Variants in PFKP observed in about 807,000 individuals in gnomAD.
PFKP encodes phosphofructokinase, platelet.
In PFKP, 101 loss-of-function variants were observed where a neutral mutation model predicts 94.3. The observed-to-expected ratio is 1.07, with a 90% CI of 0.91 to 1.26. PFKP has a LOEUF of 1.26. PFKP is among the 50% of genes most tolerant of loss of function. PFKP has a pLI of 0.00. For synonymous variants in PFKP, 573 were observed against 432.6 expected (o/e 1.32, Z -4.03); for missense variants, 1,145 against 1,103.3 (o/e 1.04, Z -0.53).
rs116420404 is a variant in PFKP at position 3,112,693 on chromosome 10, G to A, written c.1154+407G>A. Among the ~76,000 whole-genome samples, 1,209 of 152,230 alleles carry A rather than the reference G, an allele frequency of 7.9e-3. 19 individuals carry two copies. Among genetic ancestry groups the A allele is most frequent in the African/African-American group, 0.027 (1,118 of 41,540 alleles). On this transcript the variant is annotated intron_variant, in intron 11 of 21. Transcript: ENST00000381125. ...ATGTCTCAGCCTCCCAAGTAGCTGC[G>A]ACTACCAGCTCGTACCAGTGCATGT...
chr10:3,090,633 T>G (rs1588433596), intron 2 of PFKP, among the ~76,000 whole-genome samples: 1 of 151,376 alleles, frequency 6.6e-6, no homozygotes, highest in African/African-American at 2.4e-5. Flanking sequence ...GCATCTGGGG[T>G]GGGCAATTCT....
Position 3,101,439 on chromosome 10 carries a change from C to A in PFKP, c.339C>A (p.Asn113Lys). The A allele has an allele frequency of 6.2e-7, 1 of 1,609,530 alleles. No homozygotes were observed. Residue 113 changes from asparagine to lysine, a missense_variant, in exon 4 of 22, where the codon AAC (asparagine) becomes AAA (lysine). Physicochemically the swap from Asn to Lys is moderately conservative, Grantham distance 94. Around this residue, in one of 3 missense-constraint regions of PFKP, gnomAD observed 1,119 missense variants for 1,062.8 expected, o/e 1.05. Coordinates refer to ENST00000381125, the MANE Select transcript of PFKP (RefSeq NM_002627.5). ...TREGRLKAAC[N>K]LLQRGITNLC... ...AAGGCCGCCTGAAGGCTGCTTGCAA[C>A]CTGCTGCAGCGCGGCATCACCAACC...
chr10:3,127,695 G>A (rs1248885068), intron 16 of PFKP, among the ~76,000 whole-genome samples: 1 of 152,116 alleles, frequency 6.6e-6, no homozygotes, highest in African/African-American at 2.4e-5. Context: ...CCCTTGACGG[G>A]GATCTGTCCT....
In PFKP at chr10:3,082,373, C is replaced by T. The variant is rs774813917; in HGVS notation, c.113-15C>T. Reference sequence around the variant, plus strand: ...CCGGGCTCTTCAGTGACTCTTGCTCCTGTTTCCACTGCAGGTATGAACGCT... The same window carrying T: ...CCGGGCTCTTCAGTGACTCTTGCTCTTGTTTCCACTGCAGGTATGAACGCT... On this transcript the variant is annotated splice_polypyrimidine_tract_variant and intron_variant, in intron 1 of 21. Coordinates refer to ENST00000381125, the MANE Select transcript of PFKP (RefSeq NM_002627.5). 2.3e-5 allele frequency: 37 copies of T among 1,599,874 alleles called. No homozygotes were observed. The South Asian group carries it at 3.9e-4, about 17-fold the overall frequency.
chr10:3,134,391 C>T (rs1472836696), intron 19 of PFKP, 92 bp from the exon 20 acceptor site: 2 of 794,952 alleles, frequency 2.5e-6, no homozygotes, highest in East Asian at 2.4e-5. Context: ...GAAATAAAAA[C>T]ATGAATTCTG....
intron 13 of PFKP, among the ~76,000 whole-genome samples, chr10:3,113,976 C>T (rs2388567): frequency 0.59 from 88,798 of 151,712 alleles, 27,112 homozygotes; most frequent in East Asian, 0.84. Context: ...ATGTGTTCAC[C>T]CATTTAAGCC....
At chr10:3,108,384 T>C (rs1331601061) in intron 8 of PFKP, among the ~76,000 whole-genome samples, 2 of 152,250 alleles carry the variant, frequency 1.3e-5, no homozygotes, top group Admixed American at 1.3e-4. Flanking sequence ...ATATAAGTAA[T>C]AGTTTAAATG....
intron 2 of PFKP, among the ~76,000 whole-genome samples, chr10:3,086,479 G>C (rs1173450911): frequency 1.3e-5 from 2 of 152,236 alleles, no homozygotes; most frequent in Admixed American, 6.5e-5. Flanking sequence ...ACGTTTACCA[G>C]TGTTTGGAGG....
intron 4 of PFKP, among the ~76,000 whole-genome samples, chr10:3,102,806 C>T (rs2131548591): frequency 6.6e-6 from 1 of 152,324 alleles, no homozygotes; most frequent in South Asian, 2.1e-4. Context: ...TGAGGCAAAG[C>T]AGCTGTCCCC....
At chr10:3,070,420 C>T (rs1809432183) in intron 1 of PFKP, 1 of 152,186 alleles carries the variant, frequency 6.6e-6, no homozygotes, top group African/African-American at 2.4e-5. Flanking sequence ...AAGACTATTG[C>T]TTGTAGCTAG....
At chr10:3,076,557 C>T (rs998624242) in intron 1 of PFKP, among the ~76,000 whole-genome samples, 2 of 152,112 alleles carry the variant, frequency 1.3e-5, no homozygotes, top group Admixed American at 1.3e-4. Flanking sequence ...ACACCCCCCA[C>T]CCCGCTTGTT....
intron 16 of PFKP, chr10:3,125,147 G>T: frequency 7.4e-7 from 1 of 1,347,238 alleles, no homozygotes; most frequent in Non-Finnish European, 9.9e-7. Flanking sequence ...GCCACCAGGA[G>T]CTTTGCATCC....
At chr10:3,100,059 GTGT>G (rs1564296356) in intron 3 of PFKP, among the ~76,000 whole-genome samples, 183 of 134,392 alleles carry the variant, frequency 1.4e-3, no homozygotes, top group African/African-American at 5.2e-3. Flanking sequence ...GGTGTGTGGT[GTGT>G]GTGTGTGTGT....
intron 17 of PFKP, among the ~76,000 whole-genome samples, chr10:3,131,450 A>G (rs1161021229): frequency 6.6e-6 from 1 of 152,076 alleles, no homozygotes; most frequent in African/African-American, 2.4e-5. Flanking sequence ...ATTATGACAG[A>G]TTTTTATTTT....
At chr10:3,134,696 C>CATCACG in intron 20 of PFKP, 114 bp downstream of exon 20, 1 of 666,742 alleles carries the variant, frequency 1.5e-6, no homozygotes, top group Non-Finnish European at 2.7e-6. Context: ...CAGTTCAGTA[C>CATCACG]TGAGCTGCAC....
At chr10:3,131,081 A>T (rs1838528497) in intron 17 of PFKP, among the ~76,000 whole-genome samples, 1 of 151,844 alleles carries the variant, frequency 6.6e-6, no homozygotes, top group Non-Finnish European at 1.5e-5. Flanking sequence ...TTTTATAAAA[A>T]CATATCTTTT....
intron 2 of PFKP, among the ~76,000 whole-genome samples, chr10:3,082,724 CT>C (rs1049412052): frequency 2.0e-5 from 3 of 151,966 alleles, no homozygotes; most frequent in African/African-American, 4.8e-5. Context: ...TTTCTTTTTT[CT>C]TTTTTTTCTT....
In PFKP at chr10:3,134,555, G is replaced by A; in HGVS notation, c.2095G>A (p.Ala699Thr). 2.5e-6 allele frequency: 4 copies of A among 1,613,766 alleles called. No homozygotes were observed. Among genetic ancestry groups the A allele is most frequent in the Non-Finnish European group, 3.4e-6 (4 of 1,179,710 alleles). ...ISARAMEWIT[A>T]KLKEARGRGK... ...TGCCAGAGCTATGGAGTGGATCACTGCAAAACTCAAGGAGGCCCGGGGCAG... is the reference window on the plus strand; with the variant it reads ...TGCCAGAGCTATGGAGTGGATCACTACAAAACTCAAGGAGGCCCGGGGCAG... Residue 699 changes from alanine to threonine, a missense_variant, in exon 20 of 22, where the codon GCA becomes ACA. Around this residue, in one of 3 missense-constraint regions of PFKP, gnomAD observed 1,119 missense variants for 1,062.8 expected, o/e 1.05. Transcript: ENST00000381125.
chr10:3,068,567 A>T, intron 1 of PFKP: 1 of 612,238 alleles, frequency 1.6e-6, no homozygotes, highest in Non-Finnish European at 2.0e-6. Flanking sequence ...TGCAATGTGG[A>T]AGCTGCTCTC....
Sources: gnomAD v4.1 joint callset for allele counts (sites outside exome capture counted in the v4.1 genomes callset) on GRCh38, gnomAD v4.1.1 for gene constraint, gnomAD v4.1.1 regional missense constraint, MANE v1.5 for transcripts, NCBI Gene and HGNC (gene_info 2026-07-23, HGNC 2026-07-21) for gene names.